NSUN4: variants seen among roughly 807,000 people sequenced by gnomAD.
The protein encoded by NSUN4 is 5-cytosine rRNA methyltransferase NSUN4.
In NSUN4, 31 loss-of-function variants were observed where a neutral mutation model predicts 43.8. The ratio of observed to expected loss-of-function variants is 0.71; its 90% CI spans 0.53 to 0.96. The LOEUF (loss-of-function observed/expected upper bound fraction) is 0.96. Among genes scored for constraint, NSUN4 ranks in the 40% least tolerant of loss-of-function variants. NSUN4 has a pLI of 0.00. For synonymous variants in NSUN4, 167 were observed against 184.1 expected, an observed-to-expected ratio of 0.91 and a Z score of 0.75; for missense variants, 439 against 475.6, an observed-to-expected ratio of 0.92 and a Z score of 0.72.
chr1:46,384,210 C>T, the NSUN4 span, among the ~76,000 whole-genome samples: 2 of 152,216 alleles, frequency 1.3e-5, no homozygotes, highest in African/African-American at 4.8e-5. Context: ...ATTGAACATA[C>T]TGACATAGTG....
the NSUN4 span, chr1:46,370,563 T>TTC: frequency 9.4e-5 from 14 of 149,552 alleles, no homozygotes; most frequent in South Asian, 1.5e-3. Context: ...TTTTTTTTTT[T>TTC]CCAGATTCAT....
At chr1:46,356,895 A>G (rs1378617139) in intron 4 of NSUN4, among the ~76,000 whole-genome samples, 2 of 152,158 alleles carry the variant, frequency 1.3e-5, no homozygotes, top group East Asian at 1.9e-4. Context: ...AAATAATACA[A>G]TGTTTATTTG....
At chr1:46,358,151 A>G (rs1394260349) in intron 4 of NSUN4, among the ~76,000 whole-genome samples, 1 of 152,162 alleles carries the variant, frequency 6.6e-6, no homozygotes, top group Non-Finnish European at 1.5e-5. Flanking sequence ...GCTGGAGTGC[A>G]GTGGCGCAAT....
chr1:46,341,097 G>C, intron 1 of NSUN4, 178 bp downstream of exon 1: 1 of 1,202,654 alleles, frequency 8.3e-7, no homozygotes, highest in Non-Finnish European at 1.1e-6. Flanking sequence ...TATGTCCCGA[G>C]CGTTAGTGTC....
At chr1:46,359,436 G>GT (rs1239133060) in intron 4 of NSUN4, among the ~76,000 whole-genome samples, 2 of 151,300 alleles carry the variant, frequency 1.3e-5, no homozygotes, top group Non-Finnish European at 2.9e-5. Context: ...CTGGAGTGCA[G>GT]TGGCGCGGTC....
chr1:46,351,544 G>T (rs528784615), intron 3 of NSUN4, among the ~76,000 whole-genome samples: 1 of 150,942 alleles, frequency 6.6e-6, no homozygotes, highest in African/African-American at 2.4e-5. Flanking sequence ...AAATATTCTT[G>T]GCTGGGCATG....
At chr1:46,360,228 C>CAAAAAAAAAAAAA (rs1240539714) in intron 4 of NSUN4, among the ~76,000 whole-genome samples, 2 of 35,024 alleles carry the variant, frequency 5.7e-5, no homozygotes, top group Non-Finnish European at 4.7e-5. Flanking sequence ...GACTCCATCT[C>CAAAAAAAAAAAAA]AAAAAAAAAA....
intron 1 of NSUN4, 168 bp downstream of exon 1, chr1:46,341,087 T>A: frequency 1.7e-6 from 2 of 1,188,930 alleles, no homozygotes; most frequent in South Asian, 3.3e-5. Context: ...GTCCGCACTC[T>A]ATGTCCCGAG....
At chr1:46,378,621 A>G in the NSUN4 span, among the ~76,000 whole-genome samples, 410 of 152,372 alleles carry the variant, frequency 2.7e-3, 2 homozygotes, top group African/African-American at 9.7e-3. Flanking sequence ...AATGAAGATC[A>G]GGAGATGTAT....
intron 1 of NSUN4, chr1:46,343,204 C>T (rs550125544): frequency 1.8e-5 from 7 of 398,408 alleles, no homozygotes; most frequent in South Asian, 2.6e-4. Flanking sequence ...CCCATTGTGC[C>T]CCTGTGTGAC....
chr1:46,377,728 A>G, the NSUN4 span, among the ~76,000 whole-genome samples: 50 of 152,254 alleles, frequency 3.3e-4, no homozygotes, highest in East Asian at 8.5e-3. Flanking sequence ...AGTCCTTGCT[A>G]TATGTCAGGC....
At chr1:46,378,128 A>G in the NSUN4 span, among the ~76,000 whole-genome samples, 34,122 of 151,700 alleles carry the variant, frequency 0.22, 4,298 homozygotes, top group Non-Finnish European at 0.29. Context: ...CGAACTCCTG[A>G]GCTCAGTAGA....
the NSUN4 span, among the ~76,000 whole-genome samples, chr1:46,372,983 A>C: frequency 1.3e-5 from 2 of 152,150 alleles, no homozygotes; most frequent in African/African-American, 4.8e-5. Context: ...GGCCTCCCAA[A>C]GTGCTGGGAT....
intron 3 of NSUN4, among the ~76,000 whole-genome samples, chr1:46,349,152 T>G (rs867028552): frequency 5.3e-5 from 8 of 149,948 alleles, no homozygotes; most frequent in African/African-American, 1.7e-4. Flanking sequence ...TTGTTTTTTT[T>G]TTTTTGAGAC....
At chr1:46,379,620 C>A in the NSUN4 span, among the ~76,000 whole-genome samples, 80 of 152,142 alleles carry the variant, frequency 5.3e-4, no homozygotes, top group African/African-American at 1.8e-3. Context: ...GTCTCAAAAC[C>A]AACCAACCAA....
rs1024303518 is a variant in NSUN4, at chr1:46,360,969, A to G, written c.878+141A>G. Reference sequence around the variant, plus strand: ...GCCTAGAGGAGACAGAAATGGGATCATCTCTGGAACATAAAAACCCTATTT... The same window carrying G: ...GCCTAGAGGAGACAGAAATGGGATCGTCTCTGGAACATAAAAACCCTATTT... On this transcript the variant is annotated intron_variant, in intron 5 of 5. Coordinates refer to ENST00000474844, the MANE Select transcript of NSUN4 (RefSeq NM_199044.4). 1.3e-5 allele frequency: 12 copies of G among 940,594 alleles called. No homozygotes were observed. In the African/African-American group the frequency reaches 1.8e-4, roughly 14 times the overall value. The allele number at this position is 940,594 out of a possible 1,614,324, so 58.3% of individuals were successfully genotyped here.
At chr1:46,341,196 TG>T in intron 1 of NSUN4, 1 of 1,208,122 alleles carries the variant, frequency 8.3e-7, no homozygotes, top group Non-Finnish European at 1.0e-6. Flanking sequence ...CACTGTCTCT[TG>T]TTCCCCAGCT....
intron 1 of NSUN4, chr1:46,341,902 C>G: frequency 8.1e-7 from 1 of 1,232,980 alleles, no homozygotes; most frequent in South Asian, 4.1e-5. Flanking sequence ...CTCTGTTACT[C>G]TAGCGGATGG....
chr1:46,359,527 A>G (rs1179361916), intron 4 of NSUN4, among the ~76,000 whole-genome samples: 6 of 145,448 alleles, frequency 4.1e-5, no homozygotes, highest in Non-Finnish European at 7.5e-5. Context: ...GGACTACAAG[A>G]GCGCTGCCAC....
Sources: allele counts gnomAD v4.1 joint callset (sites outside exome capture counted in the v4.1 genomes callset), GRCh38; gene constraint gnomAD v4.1.1; transcripts MANE v1.5; gene names NCBI Gene and HGNC (gene_info 2026-07-23, HGNC 2026-07-21).